The following CDC25A variants were observed in gnomAD, a reference collection of about 807,000 sequenced individuals.
CDC25A encodes cell division cycle 25A, also known as M-phase inducer phosphatase 1.
Under a neutral mutation model 64.6 loss-of-function variants are expected in CDC25A, and 17 were observed. That is an observed-to-expected ratio of 0.26 (90% CI 0.18 to 0.39). The LOEUF (loss-of-function observed/expected upper bound fraction) is 0.39. Ranked by LOEUF, CDC25A falls within the 10% of genes least tolerant of loss-of-function variation. CDC25A has a pLI of 1.00. For missense variants in CDC25A, 473 were observed against 654.8 expected, an observed-to-expected ratio of 0.72 and a Z score of 3.03; for synonymous variants, 229 against 238.6, an observed-to-expected ratio of 0.96 and a Z score of 0.37.
At position 48,158,272 on chromosome 3, in the gene CDC25A, G is replaced by A. The variant is rs936639006; in HGVS notation, c.*673C>T. ...TCAGTTCTTGGCTTAAATAGCAGCA[G>A]CCCCAGTACCACAGCGCCTCCTGGG... is the stretch of plus-strand genomic sequence containing the variant. On this transcript the variant is annotated 3_prime_UTR_variant, in exon 15 of 15. Transcript: ENST00000302506. The A allele has an allele frequency of 1.3e-5, 2 of 152,508 alleles. No homozygotes were observed. Among genetic ancestry groups the A allele is most frequent in the Non-Finnish European group, 2.9e-5 (2 of 68,020 alleles). The allele number at this position is 152,508 out of a possible 1,614,324, so 9.4% of individuals were successfully genotyped here.
chr3:48,157,294 CTCTT>C lies in CDC25A; in HGVS notation c.*1647_*1650del, dbSNP rs1386245025. 6.6e-6 allele frequency: 1 copy of C among 152,224 alleles called. No homozygotes were observed. The highest frequency in any genetic ancestry group is 1.9e-4 in the East Asian group (1 of 5,204). 9.4% of individuals were successfully genotyped at this position (152,224 alleles called of 1,614,324 possible). On this transcript the variant is annotated 3_prime_UTR_variant, in exon 15 of 15. Coordinates refer to ENST00000302506, the MANE Select transcript of CDC25A (RefSeq NM_001789.3). Reference sequence around the variant, plus strand: ...TCTTTAGGCAGTCAACCAACAGAATCTCTTTCTTACAAACAATATCATTAACCAG... The same window carrying C: ...TCTTTAGGCAGTCAACCAACAGAATCTCTTACAAACAATATCATTAACCAG...
chr3:48,164,601 G>A (rs2031923671), intron 12 of CDC25A, among the ~76,000 whole-genome samples, 164 bp from the exon 13 acceptor site: 1 of 152,140 alleles, frequency 6.6e-6, no homozygotes. Context: ...TTTGGCACCT[G>A]TATCTCAATG....
rs1014199516 is a variant in CDC25A at position 48,157,369 on chromosome 3, ACAT to A, written c.*1573_*1575del. 2 of 152,494 alleles carry A rather than the reference ACAT, an allele frequency of 1.3e-5. No individual in the cohort carries two copies. The highest frequency in any genetic ancestry group is 4.8e-5 in the African/African-American group (2 of 41,426). 9.4% of individuals were successfully genotyped at this position (152,494 alleles called of 1,614,324 possible). A position where few individuals can be genotyped will look rare whatever the true frequency, so the allele number is the denominator to read the frequency against. ...CGTGTAGGAAGAAGTCCTCTCCCCC[ACAT>A]TTTTCCCAACAAGATTGTTTTATAG... On this transcript the variant is annotated 3_prime_UTR_variant, in exon 15 of 15. Transcript: ENST00000302506.
At position 48,157,621 on chromosome 3, in the gene CDC25A, T is replaced by C. The variant is rs905330670; in HGVS notation, c.*1324A>G. The C allele has an allele frequency of 1.3e-5, 2 of 152,664 alleles. No homozygotes were observed. The highest frequency in any genetic ancestry group is 6.5e-5 in the Admixed American group (1 of 15,276). The allele number at this position is 152,664 out of a possible 1,614,324, so 9.5% of individuals were successfully genotyped here. A position where few individuals can be genotyped will look rare whatever the true frequency, so the allele number is the denominator to read the frequency against. On this transcript the variant is annotated 3_prime_UTR_variant, in exon 15 of 15. Transcript: ENST00000302506. ...AATCAATGAAGTCTGCCCCAGCTCC[T>C]TGGATGAGGTGTTCTTTTGAAATTC...
At chr3:48,186,998 T>C (rs1031951888) in intron 1 of CDC25A, among the ~76,000 whole-genome samples, 21 of 152,156 alleles carry the variant, frequency 1.4e-4, no homozygotes, top group African/African-American at 4.8e-4. Context: ...TTGGACCACA[T>C]TGCAGGTTAT....
rs144581559 is a variant in CDC25A, at chr3:48,173,577, G to C, written c.930+707C>G. On this transcript the variant is annotated intron_variant, in intron 9 of 14. Transcript: ENST00000302506. Reference sequence around the variant, plus strand: ...CAATTATGGCCAACAGCAAGCGGGGGCCTCCACCTTTGCCCAGCTGTCATA... The same window carrying C: ...CAATTATGGCCAACAGCAAGCGGGGCCCTCCACCTTTGCCCAGCTGTCATA... Among the ~76,000 whole-genome samples the C allele has an allele frequency of 2.1e-3, 318 of 152,210 alleles. 3 individuals carry two copies. The highest frequency in any genetic ancestry group is 6.9e-3 in the African/African-American group (285 of 41,514).
Position 48,182,972 on chromosome 3 carries a change from T to C in CDC25A, c.386A>G (p.His129Arg). 1.2e-6 allele frequency: 2 copies of C among 1,613,878 alleles called. No individual in the cohort carries two copies. Among genetic ancestry groups the C allele is most frequent in the Non-Finnish European group, 1.7e-6 (2 of 1,179,740 alleles). ...TGGGTCGATGAGCTGAAAGATGTCA[T>C]GGTCAAGAGAATCAGAATGGCTCCT... ...LKRSHSDSLD[H>R]DIFQLIDPDE... Residue 129 changes from histidine to arginine, a missense_variant, in exon 5 of 15, where the codon CAT becomes CGT. His to Arg is a conservative substitution (Grantham distance 29). Transcript: ENST00000302506.
At chr3:48,160,949 C>T (rs1273128839) in intron 13 of CDC25A, among the ~76,000 whole-genome samples, 1 of 151,418 alleles carries the variant, frequency 6.6e-6, no homozygotes, top group East Asian at 2.0e-4. Context: ...GTCAGGAGTT[C>T]GAGACCAGCC....
intron 8 of CDC25A, among the ~76,000 whole-genome samples, chr3:48,175,629 G>T (rs1259566358): frequency 6.6e-6 from 1 of 152,006 alleles, no homozygotes; most frequent in East Asian, 1.9e-4. Flanking sequence ...TCCCAGCAAT[G>T]GTTAGTTTGT....
chr3:48,182,287 G>T (rs1196633900), intron 5 of CDC25A, among the ~76,000 whole-genome samples: 1 of 152,194 alleles, frequency 6.6e-6, no homozygotes, highest in East Asian at 1.9e-4. Context: ...ATTTCAGCAG[G>T]AATGGAAAAG....
intron 2 of CDC25A, 112 bp downstream of exon 2, chr3:48,186,591 T>C: frequency 4.7e-6 from 3 of 632,786 alleles, no homozygotes; most frequent in South Asian, 1.9e-5. Context: ...AAAAAAAGTT[T>C]ATCACCCAAT....
rs560576164 is a variant in CDC25A, at chr3:48,168,796, G to A, written c.931-852C>T. ...GCCTCCAGAGCAGCTGAGACTATAG[G>A]TGTGCGCCACCACGCCCAGCTAATT... On this transcript the variant is annotated intron_variant, in intron 9 of 14. Transcript: ENST00000302506. Among the ~76,000 whole-genome samples, 331 of 151,890 alleles carry A rather than the reference G, an allele frequency of 2.2e-3. 3 individuals carry two copies. The highest frequency in any genetic ancestry group is 7.5e-3 in the African/African-American group (309 of 41,400).
intron 10 of CDC25A, among the ~76,000 whole-genome samples, chr3:48,167,036 G>A (rs1488264113): frequency 6.6e-6 from 1 of 151,990 alleles, no homozygotes; most frequent in Non-Finnish European, 1.5e-5. Context: ...AACCCCAGAC[G>A]TTCCCCAACC....
chr3:48,185,566 A>G (rs1396933835), intron 2 of CDC25A, among the ~76,000 whole-genome samples: 1 of 147,374 alleles, frequency 6.8e-6, no homozygotes, highest in Non-Finnish European at 1.5e-5. Flanking sequence ...GCTGAGGCAG[A>G]AGAATTCTCT....
At position 48,157,804 on chromosome 3, in the gene CDC25A, C is replaced by T. The variant is rs1352447656; in HGVS notation, c.*1141G>A. ...CCAGTCATGTCCATGCCAGCACCCA[C>T]TCCCTTCTCCTAATGCCCAGGGCTT... On this transcript the variant is annotated 3_prime_UTR_variant, in exon 15 of 15. Coordinates refer to ENST00000302506, the MANE Select transcript of CDC25A (RefSeq NM_001789.3). The T allele has an allele frequency of 6.5e-6, 1 of 152,742 alleles. No homozygotes were observed. Among genetic ancestry groups the T allele is most frequent in the Non-Finnish European group, 1.5e-5 (1 of 68,120 alleles). 9.5% of individuals were successfully genotyped at this position (152,742 alleles called of 1,614,324 possible). A position where few individuals can be genotyped will look rare whatever the true frequency, so the allele number is the denominator to read the frequency against.
At position 48,188,180 on chromosome 3, in the gene CDC25A, C is replaced by CA. The variant is rs2032920387; in HGVS notation, c.-234dup. 2.9e-6 allele frequency: 1 copy of CA among 342,776 alleles called. No homozygotes were observed. The highest frequency in any genetic ancestry group is 2.2e-5 in the African/African-American group (1 of 46,392). The allele number at this position is 342,776 out of a possible 1,614,324, so 21.2% of individuals were successfully genotyped here. On this transcript the variant is annotated 5_prime_UTR_variant, in exon 1 of 15. Transcript: ENST00000302506. ...CACAGGCACGGGTGCTTCCCTCTCACACCGCGAGGCCAGCGGGCGGGCGGG... is the reference window on the plus strand; with the variant it reads ...CACAGGCACGGGTGCTTCCCTCTCACAACCGCGAGGCCAGCGGGCGGGCGGG...
In CDC25A at chr3:48,157,387, T is replaced by C. The variant is rs1256467938; in HGVS notation, c.*1558A>G. 1 of 152,538 alleles carries C rather than the reference T, an allele frequency of 6.6e-6. No individual in the cohort carries two copies. The highest frequency in any genetic ancestry group is 1.5e-5 in the Non-Finnish European group (1 of 68,020). The allele number at this position is 152,538 out of a possible 1,614,324, so 9.4% of individuals were successfully genotyped here. ...CTCCCCCACATTTTTCCCAACAAGATTGTTTTATAGCCAAATGTAACTCAA... is the reference window on the plus strand; with the variant it reads ...CTCCCCCACATTTTTCCCAACAAGACTGTTTTATAGCCAAATGTAACTCAA... On this transcript the variant is annotated 3_prime_UTR_variant, in exon 15 of 15. Transcript: ENST00000302506.
At chr3:48,185,382 C>T (rs940398766) in intron 2 of CDC25A, among the ~76,000 whole-genome samples, 9 of 144,424 alleles carry the variant, frequency 6.2e-5, no homozygotes, top group African/African-American at 1.8e-4. Context: ...TGCCACTGTA[C>T]ACCAGCCTGA....
chr3:48,184,622 A>C (rs763859038), intron 3 of CDC25A, 31 bp downstream of exon 3: 2 of 1,509,324 alleles, frequency 1.3e-6, no homozygotes, highest in Non-Finnish European at 1.8e-6. Flanking sequence ...TTTTTTCTAC[A>C]TATAAACATT....
Sources: allele counts gnomAD v4.1 joint callset (sites outside exome capture counted in the v4.1 genomes callset), GRCh38; gene constraint gnomAD v4.1.1; transcripts MANE v1.5; gene names NCBI Gene and HGNC (gene_info 2026-07-23, HGNC 2026-07-21).